The following F10 variants were observed in gnomAD, a reference collection of about 807,000 sequenced individuals.
The protein encoded by F10 is Stuart-Prower factor.
F10 carries 29 observed loss-of-function variants against 37.1 expected under a neutral mutation model. The ratio of observed to expected loss-of-function variants is 0.78; its 90% confidence interval spans 0.58 to 1.07. The LOEUF is 1.07. Ranked by LOEUF, F10 falls within the 50% of genes least tolerant of loss-of-function variation. The pLI is 0.00. For synonymous variants in F10, 262 were observed against 268.6 expected (o/e 0.98, Z 0.24); for missense variants, 539 against 667.9 (o/e 0.81, Z 2.13).
In F10 at chr13:113,143,742, C is replaced by CATTAAAAAA; in HGVS notation, c.503-109_503-108insATTAAAAAA. 298 of 1,533,796 alleles carry CATTAAAAAA rather than the reference C, an allele frequency of 1.9e-4. No individual in the cohort carries two copies. Among genetic ancestry groups the CATTAAAAAA allele is most frequent in the Admixed American group, 1.4e-3 (76 of 55,884 alleles). ...CAAGCCCGCTGCCCCTCCGGGTGCC[C>CATTAAAAAA]CTGCGCTCTGCCTCCCGGCTCTCTG... On this transcript the variant is annotated intron_variant, in intron 5 of 7. Transcript: ENST00000375559. The surrounding 1 kb of genome is among the most constrained non-coding windows in gnomAD (Gnocchi z 6.8).
intron 2 of F10, among the ~76,000 whole-genome samples, chr13:113,134,725 A>G (rs1046669162): frequency 3.3e-5 from 5 of 152,238 alleles, no homozygotes; most frequent in Non-Finnish European, 7.3e-5. Flanking sequence ...TGTTAATCAC[A>G]TTTTTATGTA....
rs938928545 is a variant in F10, at chr13:113,141,400, T to C, written c.502+350T>C. Among the ~76,000 whole-genome samples, 32 of 152,084 alleles carry C rather than the reference T, an allele frequency of 2.1e-4. No individual in the cohort carries two copies. The highest frequency in any genetic ancestry group is 2.9e-5 in the Non-Finnish European group (2 of 67,984). Reference sequence around the variant, plus strand: ...AGGCCCTCAGTCTGCATTGGGACTGTGGGGGGATCCAGTGCAAGGGCTCAA... The same window carrying C: ...AGGCCCTCAGTCTGCATTGGGACTGCGGGGGGATCCAGTGCAAGGGCTCAA... On this transcript the variant is annotated intron_variant, in intron 5 of 7. Transcript: ENST00000375559. This position sits in a 1 kb window ranked among gnomAD's most constrained non-coding sequence, Gnocchi z 5.4.
Position 113,143,745 on chromosome 13 carries a change from G to A in F10, c.503-106G>A. On this transcript the variant is annotated intron_variant, in intron 5 of 7. Transcript: ENST00000375559. The surrounding 1 kb of genome is among the most constrained non-coding windows in gnomAD (Gnocchi z 6.8). ...GCCCGCTGCCCCTCCGGGTGCCCCT[G>A]CGCTCTGCCTCCCGGCTCTCTGACT... The A allele has an allele frequency of 6.4e-7, 1 of 1,566,886 alleles. No homozygotes were observed. Among genetic ancestry groups the A allele is most frequent in the Admixed American group, 1.7e-5 (1 of 58,786 alleles).
chr13:113,138,456 G>T lies in F10; in HGVS notation c.232-1G>T. 2.3e-6 allele frequency: 3 copies of T among 1,315,802 alleles called. No homozygotes were observed. Among genetic ancestry groups the T allele is most frequent in the Non-Finnish European group, 2.2e-6 (2 of 916,346 alleles). The allele number at this position is 1,315,802 out of a possible 1,614,324, so 81.5% of individuals were successfully genotyped here. ...TTTTTAAATTTCTTTTTTCCTTTTA[G>T]AATGAATTCTGGAATAAATACAAAG... On this transcript the variant is annotated splice_acceptor_variant, in intron 2 of 7. Coordinates refer to ENST00000375559, the MANE Select transcript of F10 (RefSeq NM_000504.4). LOFTEE classifies it high-confidence loss of function.
chr13:113,137,737 T>C (rs1420489117), intron 2 of F10, among the ~76,000 whole-genome samples: 1 of 152,164 alleles, frequency 6.6e-6, no homozygotes, highest in East Asian at 1.9e-4. Flanking sequence ...GACGCGTCGC[T>C]CCTGTCTCTG....
intron 3 of F10, 110 bp downstream of exon 3, chr13:113,138,591 T>G (rs2036499914): frequency 1.3e-6 from 1 of 750,524 alleles, no homozygotes; most frequent in South Asian, 1.6e-5. Context: ...TTTTACTCAT[T>G]TAAGACTTTT....
At chr13:113,131,764 A>T (rs1048592129) in intron 2 of F10, 10 of 152,248 alleles carry the variant, frequency 6.6e-5, no homozygotes, top group African/African-American at 2.4e-4. Flanking sequence ...GCTATTTGTC[A>T]TGAAGATAGC....
At chr13:113,127,116 C>A (rs1006605793) in intron 1 of F10, among the ~76,000 whole-genome samples, 3 of 152,194 alleles carry the variant, frequency 2.0e-5, no homozygotes, top group African/African-American at 7.2e-5. Context: ...TTACTAAGCA[C>A]CTTCTGTATA....
At position 113,143,927 on chromosome 13, in the gene F10, G is replaced by C; in HGVS notation, c.579G>C (p.Glu193Asp). 6.2e-7 allele frequency: 1 copy of C among 1,613,498 alleles called. No individual in the cohort carries two copies. The highest frequency in any genetic ancestry group is 8.5e-7 in the Non-Finnish European group (1 of 1,180,010). Residue 193 changes from glutamate to aspartate, a missense_variant, in exon 6 of 8, where the codon GAG (glutamate) becomes GAC (aspartate). Transcript: ENST00000375559. The surrounding 1 kb of genome is among the most constrained non-coding windows in gnomAD (Gnocchi z 6.8). The part of the protein sequence containing the change: ...SVAQATSSSG[E>D]APDSITWKPY... ...CCCAGGCCACCAGCAGCAGCGGGGA[G>C]GCCCCTGACAGCATCACATGGAAGC...
At chr13:113,137,388 G>A (rs2036488816) in intron 2 of F10, among the ~76,000 whole-genome samples, 1 of 152,144 alleles carries the variant, frequency 6.6e-6, no homozygotes, top group African/African-American at 2.4e-5. Flanking sequence ...TGGGGGGGAA[G>A]GATGGACCTG....
chr13:113,130,797 G>A (rs1053156817), intron 2 of F10: 4 of 152,204 alleles, frequency 2.6e-5, no homozygotes, highest in African/African-American at 7.2e-5. Context: ...TGACCCCTGC[G>A]GACCAGGGTG....
Position 113,140,940 on chromosome 13 carries a change from T to A in F10, c.392T>A (p.Leu131Gln). The part of the protein sequence containing the change: ...CELFTRKLCS[L>Q]DNGDCDQFCH... ...GCAGTCACACGGAAGCTCTGCAGCC[T>A]GGACAACGGGGACTGTGACCAGTTC... Residue 131 changes from leucine (L) to glutamine (Q), a missense_variant, in exon 5 of 8, where the codon CTG becomes CAG. Leu to Gln is a moderately radical substitution (Grantham distance 113, BLOSUM62 -2). Transcript: ENST00000375559. 2 of 1,614,140 alleles carry A rather than the reference T, an allele frequency of 1.2e-6. No homozygotes were observed. Among genetic ancestry groups the A allele is most frequent in the Non-Finnish European group, 1.7e-6 (2 of 1,180,044 alleles).
chr13:113,149,202 C>T lies in F10; in HGVS notation c.1152C>T (p.Tyr384=), dbSNP rs371569721. 26 of 1,612,888 alleles carry T rather than the reference C, an allele frequency of 1.6e-5. No individual in the cohort carries two copies. Among genetic ancestry groups the T allele is most frequent in the African/African-American group, 6.7e-5 (5 of 74,916 alleles). Residue 384 remains tyrosine, a synonymous_variant, in exon 8 of 8, where the codon TAC becomes TAT. Transcript: ENST00000375559. The surrounding 1 kb of genome is among the most constrained non-coding windows in gnomAD (Gnocchi z 7.5). Reference sequence around the variant, plus strand: ...GGCTCAAGATGCTGGAGGTGCCCTACGTGGACCGCAACAGCTGCAAGCTGT... The same window carrying T: ...GGCTCAAGATGCTGGAGGTGCCCTATGTGGACCGCAACAGCTGCAAGCTGT... ...STRLKMLEVP[Y]VDRNSCKLSS...
intron 6 of F10, among the ~76,000 whole-genome samples, chr13:113,147,138 CTT>C (rs893498866): frequency 2.0e-5 from 3 of 152,102 alleles, no homozygotes; most frequent in African/African-American, 7.2e-5. Flanking sequence ...GTGCATGAGA[CTT>C]TAGAGAGCTC....
chr13:113,130,687 T>G (rs1226575707), intron 2 of F10: 1 of 152,672 alleles, frequency 6.5e-6, no homozygotes, highest in Non-Finnish European at 1.5e-5. Flanking sequence ...ATTACTCGCT[T>G]GCTTCATCCC....
chr13:113,123,223 A>AG (rs1358378327), intron 1 of F10, among the ~76,000 whole-genome samples: 2 of 152,134 alleles, frequency 1.3e-5, no homozygotes, highest in Non-Finnish European at 2.9e-5. Context: ...GTGAGATGGG[A>AG]GGCCAAGAGG....
At position 113,144,183 on chromosome 13, in the gene F10, GC is replaced by G; in HGVS notation, c.747+89del. ...GGAGGCCAGCCTGACACTTGGAATAGCAATCCGGGAAGGAACTGTTCCGAAC... is the reference window on the plus strand; with the variant it reads ...GGAGGCCAGCCTGACACTTGGAATAGAATCCGGGAAGGAACTGTTCCGAAC... On this transcript the variant is annotated intron_variant, in intron 6 of 7. Coordinates refer to ENST00000375559, the MANE Select transcript of F10 (RefSeq NM_000504.4). The surrounding 1 kb of genome is among the most constrained non-coding windows in gnomAD (Gnocchi z 6.4). The G allele has an allele frequency of 6.3e-7, 1 of 1,590,484 alleles. No homozygotes were observed. Among genetic ancestry groups the G allele is most frequent in the Non-Finnish European group, 8.6e-7 (1 of 1,167,974 alleles).
rs2036524512 is a variant in F10 at position 113,141,150 on chromosome 13, G to C, written c.502+100G>C. The C allele has an allele frequency of 6.5e-7, 1 of 1,536,268 alleles. No homozygotes were observed. Among genetic ancestry groups the C allele is most frequent in the Non-Finnish European group, 8.8e-7 (1 of 1,135,056 alleles). On this transcript the variant is annotated intron_variant, in intron 5 of 7. Transcript: ENST00000375559. This position sits in a 1 kb window ranked among gnomAD's most constrained non-coding sequence, Gnocchi z 5.4. ...TGGGGACACAGGCATGTTCTGGGCG[G>C]GCCTGGCAGGTAACAGTGACACCAA...
intron 2 of F10, among the ~76,000 whole-genome samples, chr13:113,133,470 A>G (rs1340527710): frequency 6.6e-6 from 1 of 152,204 alleles, no homozygotes; most frequent in African/African-American, 2.4e-5. Flanking sequence ...AAATGAGCCT[A>G]TTCTTCAATA....
Sources: gnomAD v4.1 joint callset for allele counts (sites outside exome capture counted in the v4.1 genomes callset) on GRCh38, gnomAD v4.1.1 for gene constraint, Gnocchi (gnomAD v3.1) non-coding constraint, MANE v1.5 for transcripts, NCBI Gene and HGNC (gene_info 2026-07-23, HGNC 2026-07-21) for gene names.